The following RALGPS2 variants were observed in gnomAD, a reference collection of about 807,000 sequenced individuals.
The protein encoded by RALGPS2 is ras-specific guanine nucleotide-releasing factor RalGPS2.
A neutral mutation model predicts 86.8 loss-of-function variants in RALGPS2; 43 were observed. The observed-to-expected ratio is 0.50, with a 90% CI of 0.39 to 0.64. The LOEUF (loss-of-function observed/expected upper bound fraction) is 0.64. RALGPS2 is among the 30% of genes least tolerant of loss of function. The probability of loss-of-function intolerance (pLI) is 0.00; values close to 1 mark genes in which losing one functional copy is unlikely to be tolerated. For synonymous variants in RALGPS2, 243 were observed against 231.3 expected (o/e 1.05, Z -0.46); for missense variants, 536 against 694.6 (o/e 0.77, Z 2.57).
chr1:178,747,124 A>G, intron 1 of RALGPS2: 3 of 943,294 alleles, frequency 3.2e-6, no homozygotes, highest in Non-Finnish European at 5.2e-6. Context: ...TAATGTTAAT[A>G]TCATCTCCTT....
At chr1:178,827,931 A>G (rs72707206) in intron 7 of RALGPS2, among the ~76,000 whole-genome samples, 94 of 152,218 alleles carry the variant, frequency 6.2e-4, no homozygotes, top group Non-Finnish European at 1.1e-3. Context: ...ATGAAACTGG[A>G]CCCTTATCTC....
intron 4 of RALGPS2, among the ~76,000 whole-genome samples, chr1:178,792,856 GA>G (rs1469131210): frequency 2.6e-5 from 4 of 152,080 alleles, no homozygotes; most frequent in Admixed American, 6.5e-5. Flanking sequence ...AAAGAAGGGG[GA>G]AAGTTCCATC....
intron 7 of RALGPS2, among the ~76,000 whole-genome samples, chr1:178,832,089 C>T (rs1558139348): frequency 1.3e-5 from 2 of 152,150 alleles, no homozygotes; most frequent in Non-Finnish European, 2.9e-5. Flanking sequence ...TATCCAGATA[C>T]TTCCTTAAGT....
At chr1:178,743,393 T>A (rs1403152095) in intron 1 of RALGPS2, among the ~76,000 whole-genome samples, 1 of 152,106 alleles carries the variant, frequency 6.6e-6, no homozygotes, top group Non-Finnish European at 1.5e-5. Context: ...ATACTAAAGA[T>A]CAGTGTGGAT....
intron 7 of RALGPS2, among the ~76,000 whole-genome samples, chr1:178,825,574 TC>T (rs1355150278): frequency 6.6e-6 from 1 of 152,182 alleles, no homozygotes; most frequent in East Asian, 1.9e-4. Flanking sequence ...GGATTTTTTT[TC>T]TCCAACTACA....
At chr1:178,763,178 T>G (rs539509708) in intron 1 of RALGPS2, among the ~76,000 whole-genome samples, 1 of 152,162 alleles carries the variant, frequency 6.6e-6, no homozygotes, top group Non-Finnish European at 1.5e-5. Context: ...ATTTTTGTGC[T>G]CTCTATTCTG....
chr1:178,785,648 G>T, intron 4 of RALGPS2, 41 bp downstream of exon 4: 2 of 1,525,776 alleles, frequency 1.3e-6, no homozygotes, highest in South Asian at 2.6e-5. Flanking sequence ...TATAGAAAAC[G>T]ATCAATCTCA....
At chr1:178,844,735 A>C (rs1470397202) in intron 8 of RALGPS2, among the ~76,000 whole-genome samples, 1 of 152,196 alleles carries the variant, frequency 6.6e-6, no homozygotes, top group East Asian at 1.9e-4. Context: ...AGAATTTGGC[A>C]TGGTAAGTTT....
chr1:178,776,021 G>A (rs1237023017), intron 1 of RALGPS2, among the ~76,000 whole-genome samples: 2 of 151,264 alleles, frequency 1.3e-5, no homozygotes, highest in Non-Finnish European at 2.9e-5. Flanking sequence ...AATTTACGTA[G>A]CATTGGCACT....
intron 8 of RALGPS2, among the ~76,000 whole-genome samples, chr1:178,871,540 G>A (rs1196075047): frequency 1.3e-5 from 2 of 152,104 alleles, no homozygotes; most frequent in Non-Finnish European, 2.9e-5. Context: ...GCTAATGAAG[G>A]TTTTAAACTT....
chr1:178,882,161 A>G (rs2102372905), intron 10 of RALGPS2, among the ~76,000 whole-genome samples: 1 of 152,298 alleles, frequency 6.6e-6, no homozygotes, highest in African/African-American at 2.4e-5. Flanking sequence ...TGCTTTTTAT[A>G]TTGCTGTCAG....
intron 7 of RALGPS2, among the ~76,000 whole-genome samples, chr1:178,827,617 G>A (rs527863706): frequency 2.6e-5 from 4 of 151,836 alleles, no homozygotes; most frequent in East Asian, 1.9e-4. Flanking sequence ...GGATGGTCTC[G>A]ATCTCCTGAC....
Position 178,836,953 on chromosome 1 carries a change from A to AT in RALGPS2, c.607+3411dup, listed in dbSNP as rs932279518. On this transcript the variant is annotated intron_variant, in intron 8 of 19. Coordinates refer to ENST00000367635, the MANE Select transcript of RALGPS2 (RefSeq NM_152663.5). ...ACCACCAAGCACAGCTAATTTTAAA[A>AT]TTTTTTTTGTAGAGACAGGATCTCG... Among the ~76,000 whole-genome samples the AT allele has an allele frequency of 4.6e-5, 7 of 151,570 alleles. No individual in the cohort carries two copies. The South Asian group carries it at 8.4e-4, about 18-fold the overall frequency.
At chr1:178,740,210 T>C (rs1459328986) in intron 1 of RALGPS2, among the ~76,000 whole-genome samples, 1 of 152,138 alleles carries the variant, frequency 6.6e-6, no homozygotes, top group Non-Finnish European at 1.5e-5. Context: ...AGTCCCAGAG[T>C]AGTAGTGATT....
rs1294071921 is a variant in RALGPS2 at position 178,737,537 on chromosome 1, C to T, written c.-84+12118C>T. On this transcript the variant is annotated intron_variant, in intron 1 of 19. Coordinates refer to ENST00000367635, the MANE Select transcript of RALGPS2 (RefSeq NM_152663.5). ...CTGGGATTACAGGCATGAGCCACCG[C>T]ACCTGGCCAGCGCCACCTTTAATCA... 2.6e-5 allele frequency among the ~76,000 whole-genome samples: 4 copies of T among 152,286 alleles called. No individual in the cohort carries two copies. The East Asian group carries it at 7.7e-4, about 29-fold the overall frequency.
At position 178,918,000 on chromosome 1, in the gene RALGPS2, C is replaced by T. The variant is rs1399037351; in HGVS notation, c.*1641C>T. ...ACTTCAATAGAAAATATTGCTTATA[C>T]AATAATTAGCTTAAAATCCATCCAA... is the stretch of plus-strand genomic sequence containing the variant. On this transcript the variant is annotated 3_prime_UTR_variant, in exon 20 of 20. Coordinates refer to ENST00000367635, the MANE Select transcript of RALGPS2 (RefSeq NM_152663.5). The T allele has an allele frequency of 6.6e-6, 1 of 152,046 alleles. No homozygotes were observed. Among genetic ancestry groups the T allele is most frequent in the Non-Finnish European group, 1.5e-5 (1 of 67,986 alleles). 9.4% of individuals were successfully genotyped at this position (152,046 alleles called of 1,614,324 possible).
rs745560036 is a variant in RALGPS2, at chr1:178,916,368, G to GA, written c.*16dup. On this transcript the variant is annotated 3_prime_UTR_variant, in exon 20 of 20. Transcript: ENST00000367635. ...TGATGACTTTTGAGTAGAAGCCTGA[G>GA]AAAAAAAGAGAGGTGAACTGTTGCT... is the stretch of plus-strand genomic sequence containing the variant. The GA allele has an allele frequency of 1.2e-4, 191 of 1,596,832 alleles. 1 individual carries two copies. The highest frequency in any genetic ancestry group is 7.4e-4 in the Admixed American group (44 of 59,466).
chr1:178,787,212 AC>A (rs530047872), intron 4 of RALGPS2, among the ~76,000 whole-genome samples: 73 of 152,062 alleles, frequency 4.8e-4, no homozygotes, highest in African/African-American at 1.8e-3. Flanking sequence ...CCTAAAATTC[AC>A]CTGTCTTCTT....
chr1:178,859,797 A>G, intron 8 of RALGPS2, among the ~76,000 whole-genome samples: 1 of 95,602 alleles, frequency 1.0e-5, no homozygotes, highest in African/African-American at 4.2e-5. Context: ...TCCCGGGTTC[A>G]TGCCATTCTC....
Sources: allele counts gnomAD v4.1 joint callset (sites outside exome capture counted in the v4.1 genomes callset), GRCh38; gene constraint gnomAD v4.1.1; transcripts MANE v1.5; gene names NCBI Gene and HGNC (gene_info 2026-07-23, HGNC 2026-07-21).